Variants in CMTM4 observed in about 807,000 individuals in gnomAD.
CMTM4 encodes CKLF like MARVEL transmembrane domain containing 4.
CMTM4 carries 8 observed loss-of-function variants against 19.0 expected under a neutral mutation model. That is an observed-to-expected ratio of 0.42 (90% CI 0.25 to 0.76). CMTM4 has a LOEUF of 0.76. Among genes scored for constraint, CMTM4 ranks in the 30% least tolerant of loss-of-function variants. CMTM4 has a pLI of 0.27. For missense variants in CMTM4, 228 were observed against 290.2 expected, an observed-to-expected ratio of 0.79 and a Z score of 1.56; for synonymous variants, 106 against 121.1, an observed-to-expected ratio of 0.88 and a Z score of 0.82.
intron 1 of CMTM4, among the ~76,000 whole-genome samples, chr16:66,688,342 C>T (rs999830250): frequency 2.0e-5 from 3 of 152,144 alleles, no homozygotes; most frequent in African/African-American, 4.8e-5. Flanking sequence ...TGTCTTGAGA[C>T]GCTGAGCTAG....
chr16:66,650,991 T>C (rs774240152), intron 1 of CMTM4, among the ~76,000 whole-genome samples: 4 of 152,152 alleles, frequency 2.6e-5, no homozygotes, highest in Non-Finnish European at 5.9e-5. Context: ...GAAATTCAAA[T>C]GTCTCTATTC....
intron 1 of CMTM4, among the ~76,000 whole-genome samples, chr16:66,670,630 T>C (rs1199314557): frequency 2.0e-5 from 3 of 151,756 alleles, no homozygotes; most frequent in African/African-American, 7.3e-5. Flanking sequence ...TGAAACCCCG[T>C]CTTTACTAAA....
chr16:66,633,118 A>AATAT (rs1168825024), intron 2 of CMTM4, among the ~76,000 whole-genome samples: 11 of 76,200 alleles, frequency 1.4e-4, no homozygotes, highest in African/African-American at 3.3e-4. Context: ...TATATATATA[A>AATAT]ATATATATAT....
intron 1 of CMTM4, among the ~76,000 whole-genome samples, chr16:66,677,242 A>AT (rs1317820206): frequency 6.6e-6 from 1 of 152,134 alleles, no homozygotes; most frequent in African/African-American, 2.4e-5. Flanking sequence ...GTCTCAAAAA[A>AT]ATATATAAAA....
rs978211701 is a variant in CMTM4, at chr16:66,615,564, G to A, written c.*6494C>T. ...CGAGCCTAGCCAGAGCATCCACAAC[G>A]AACCAATCTGAGATCCGAGTGGAAG... On this transcript the variant is annotated 3_prime_UTR_variant, in exon 4 of 4. Coordinates refer to ENST00000394106, the MANE Select transcript of CMTM4 (RefSeq NM_181521.3). This position sits in a 1 kb window ranked among gnomAD's most constrained non-coding sequence, Gnocchi z 4.9. 1.3e-5 allele frequency: 2 copies of A among 152,260 alleles called. No individual in the cohort carries two copies. Among genetic ancestry groups the A allele is most frequent in the African/African-American group, 2.4e-5 (1 of 41,460 alleles). The allele number at this position is 152,260 out of a possible 1,614,324, so 9.4% of individuals were successfully genotyped here. A position where few individuals can be genotyped will look rare whatever the true frequency, so the allele number is the denominator to read the frequency against.
At chr16:66,664,645 A>C (rs896533940) in intron 1 of CMTM4, among the ~76,000 whole-genome samples, 1 of 150,884 alleles carries the variant, frequency 6.6e-6, no homozygotes, top group African/African-American at 2.5e-5. Flanking sequence ...TTCGTAGACC[A>C]AACACTTAAA....
chr16:66,645,655 C>T (rs958304007), intron 1 of CMTM4, among the ~76,000 whole-genome samples: 4 of 151,832 alleles, frequency 2.6e-5, no homozygotes, highest in Non-Finnish European at 5.9e-5. Flanking sequence ...AATAAATGCA[C>T]ATGTATGACG....
chr16:66,639,614 G>A (rs867372707), intron 1 of CMTM4, among the ~76,000 whole-genome samples: 1 of 152,102 alleles, frequency 6.6e-6, no homozygotes. Context: ...GCTCATGCCT[G>A]TAATCCCTTT....
chr16:66,686,077 A>G (rs1331152214), intron 1 of CMTM4, among the ~76,000 whole-genome samples: 4 of 151,320 alleles, frequency 2.6e-5, no homozygotes, highest in Non-Finnish European at 4.4e-5. Context: ...ACATGGTGAA[A>G]CCCTGTCTCT....
chr16:66,599,101 G>A, the CMTM4 span, among the ~76,000 whole-genome samples: 1 of 151,628 alleles, frequency 6.6e-6, no homozygotes, highest in Non-Finnish European at 1.5e-5. Flanking sequence ...GCAACATGAT[G>A]AAACCCTGCC....
At position 66,624,760 on chromosome 16, in the gene CMTM4, CTT is replaced by C. The variant is rs370602351; in HGVS notation, c.364-1260_364-1259del. ...CTAGCCTGGGTGACAGAGCGAGACTCTTGTCTCAATAAAATAATAAAATAAGA... is the reference window on the plus strand; with the variant it reads ...CTAGCCTGGGTGACAGAGCGAGACTCGTCTCAATAAAATAATAAAATAAGA... On this transcript the variant is annotated intron_variant, in intron 2 of 3. Coordinates refer to ENST00000394106, the MANE Select transcript of CMTM4 (RefSeq NM_181521.3). Among the ~76,000 whole-genome samples the C allele has an allele frequency of 2.6e-3, 401 of 152,300 alleles. 1 individual carries two copies. The highest frequency in any genetic ancestry group is 8.6e-3 in the African/African-American group (357 of 41,576).
Position 66,621,250 on chromosome 16 carries a change from T to TGGTG in CMTM4, c.*804_*807dup. The TGGTG allele has an allele frequency of 3.0e-6, 3 of 985,568 alleles. No individual in the cohort carries two copies. The South Asian group carries it at 1.4e-4, about 46-fold the overall frequency. 61.1% of individuals were successfully genotyped at this position (985,568 alleles called of 1,614,324 possible). A position where few individuals can be genotyped will look rare whatever the true frequency, so the allele number is the denominator to read the frequency against. On this transcript the variant is annotated 3_prime_UTR_variant, in exon 4 of 4. Coordinates refer to ENST00000394106, the MANE Select transcript of CMTM4 (RefSeq NM_181521.3). ...CCAGCAAATGGGCAAGTGCTTTGGC[T>TGGTG]GGTGGAGTAGGCTTGTTTCTTTCAT...
At chr16:66,599,679 A>G in the CMTM4 span, among the ~76,000 whole-genome samples, 1 of 152,214 alleles carries the variant, frequency 6.6e-6, no homozygotes, top group African/African-American at 2.4e-5. Context: ...ACTTTTTAAA[A>G]TGAGGATACT....
At chr16:66,670,950 A>G (rs1006535748) in intron 1 of CMTM4, among the ~76,000 whole-genome samples, 4 of 152,204 alleles carry the variant, frequency 2.6e-5, no homozygotes, top group Admixed American at 6.5e-5. Flanking sequence ...TGTTAATGGG[A>G]GTCCTCTCTA....
chr16:66,621,241 T>G lies in CMTM4; in HGVS notation c.*817A>C, dbSNP rs2015629733. Reference sequence around the variant, plus strand: ...TTCATGAAGCCAGCAAATGGGCAAGTGCTTTGGCTGGTGGAGTAGGCTTGT... The same window carrying G: ...TTCATGAAGCCAGCAAATGGGCAAGGGCTTTGGCTGGTGGAGTAGGCTTGT... On this transcript the variant is annotated 3_prime_UTR_variant, in exon 4 of 4. Transcript: ENST00000394106. 1 of 985,464 alleles carries G rather than the reference T, an allele frequency of 1.0e-6. No individual in the cohort carries two copies. Among genetic ancestry groups the G allele is most frequent in the South Asian group, 4.7e-5 (1 of 21,294 alleles). The allele number at this position is 985,464 out of a possible 1,614,324, so 61.0% of individuals were successfully genotyped here.
rs566740720 is a variant in CMTM4, at chr16:66,618,295, A to C, written c.*3763T>G. On this transcript the variant is annotated 3_prime_UTR_variant, in exon 4 of 4. Transcript: ENST00000394106. ...TAACGTCATTATTACTCTGTAAACA[A>C]GATCTGGAGAAGATGACAGTCAGGC... The C allele has an allele frequency of 3.0e-6, 3 of 985,470 alleles. No individual in the cohort carries two copies. The African/African-American group carries it at 5.2e-5, about 17-fold the overall frequency. 61.0% of individuals were successfully genotyped at this position (985,470 alleles called of 1,614,324 possible). A position where few individuals can be genotyped will look rare whatever the true frequency, so the allele number is the denominator to read the frequency against.
intron 1 of CMTM4, among the ~76,000 whole-genome samples, chr16:66,647,566 G>A (rs974797734): frequency 6.6e-6 from 1 of 152,100 alleles, no homozygotes; most frequent in Admixed American, 6.6e-5. Flanking sequence ...CAACTGTGAG[G>A]AGACTGGGGA....
In CMTM4 at chr16:66,618,589, C is replaced by T; in HGVS notation, c.*3469G>A. ...CCTGGGCCACACGCAGGACATGGCA[C>T]CCACTAGGGTTGTTCAGGTCTCATT... On this transcript the variant is annotated 3_prime_UTR_variant, in exon 4 of 4. Transcript: ENST00000394106. The T allele has an allele frequency of 1.0e-6, 1 of 985,450 alleles. No homozygotes were observed. The highest frequency in any genetic ancestry group is 1.2e-6 in the Non-Finnish European group (1 of 829,966). 61.0% of individuals were successfully genotyped at this position (985,450 alleles called of 1,614,324 possible).
Position 66,616,941 on chromosome 16 carries a change from T to C in CMTM4, c.*5117A>G. ...TATGATCAAATCTCACACAAACCAT[T>C]ATCAGAATCTTGTTTCACACCATCT... is the stretch of plus-strand genomic sequence containing the variant. On this transcript the variant is annotated 3_prime_UTR_variant, in exon 4 of 4. Transcript: ENST00000394106. The C allele has an allele frequency of 5.1e-6, 1 of 195,886 alleles. No individual in the cohort carries two copies. The highest frequency in any genetic ancestry group is 1.0e-5 in the Non-Finnish European group (1 of 95,896). The allele number at this position is 195,886 out of a possible 1,614,324, so 12.1% of individuals were successfully genotyped here. A position where few individuals can be genotyped will look rare whatever the true frequency, so the allele number is the denominator to read the frequency against.
Sources: allele counts gnomAD v4.1 joint callset (sites outside exome capture counted in the v4.1 genomes callset), GRCh38; gene constraint gnomAD v4.1.1; non-coding constraint Gnocchi (gnomAD v3.1); transcripts MANE v1.5; gene names NCBI Gene and HGNC (gene_info 2026-07-23, HGNC 2026-07-21).